The following JADE2 variants were observed in gnomAD, a reference collection of about 807,000 sequenced individuals.
JADE2 encodes jade family PHD finger 2.
A neutral mutation model predicts 85.7 loss-of-function variants in JADE2; 13 were observed. The ratio of observed to expected loss-of-function variants is 0.15; its 90% CI spans 0.10 to 0.24. The LOEUF (loss-of-function observed/expected upper bound fraction) is 0.24. Among genes scored for constraint, JADE2 ranks in the 10% least tolerant of loss-of-function variants. JADE2 has a pLI of 1.00. For synonymous variants in JADE2, 440 were observed against 456.1 expected (o/e 0.96, Z 0.45); for missense variants, 846 against 1,115.9 (o/e 0.76, Z 3.45).
chr5:134,554,408 G>C (rs919017964), intron 4 of JADE2, among the ~76,000 whole-genome samples: 3 of 152,164 alleles, frequency 2.0e-5, no homozygotes, highest in Non-Finnish European at 4.4e-5. Context: ...GGCACAGCGA[G>C]GTCAGTCTTG....
At chr5:134,572,624 A>C (rs893308763) in intron 9 of JADE2, among the ~76,000 whole-genome samples, 1 of 152,226 alleles carries the variant, frequency 6.6e-6, no homozygotes, top group African/African-American at 2.4e-5. Flanking sequence ...GCTTTGGCCA[A>C]CTGTCCCTGA....
rs1401134443 is a variant in JADE2, at chr5:134,562,257, C to T, written c.742C>T (p.Leu248=). 2 of 1,613,964 alleles carry T rather than the reference C, an allele frequency of 1.2e-6. No homozygotes were observed. Among genetic ancestry groups the T allele is most frequent in the Admixed American group, 1.7e-5 (1 of 60,002 alleles). ...TGSWLCRTCA[L]GVQPKCLLCP... is the part of the protein sequence containing the mutation. Reference sequence around the variant, plus strand: ...CAGCTGGCTGTGCCGGACGTGTGCCCTGGGTGTCCAGCCAAAGTGCCTGCT... The same window carrying T: ...CAGCTGGCTGTGCCGGACGTGTGCCTTGGGTGTCCAGCCAAAGTGCCTGCT... Residue 248 remains leucine, a synonymous_variant, in exon 7 of 12, where the codon CTG becomes TTG. Transcript: ENST00000681547. The surrounding 1 kb of genome is among the most constrained non-coding windows in gnomAD (Gnocchi z 4.6).
At chr5:134,526,594 G>T (rs1277124453) in intron 1 of JADE2, 1 of 985,288 alleles carries the variant, frequency 1.0e-6, no homozygotes, top group African/African-American at 1.7e-5. Flanking sequence ...CAGCCGGTCC[G>T]GTCCCAGACA....
chr5:134,564,808 G>A (rs329312), intron 8 of JADE2, among the ~76,000 whole-genome samples, 198 bp downstream of exon 8: 111,075 of 152,052 alleles, frequency 0.73, 41,100 homozygotes, highest in Non-Finnish European at 0.76. Flanking sequence ...TCTAGGGAGT[G>A]GGAACAGACC....
At chr5:134,525,046 C>A (rs185886104), upstream of JADE2, among the ~76,000 whole-genome samples, 5 of 152,040 alleles carry the variant, frequency 3.3e-5, no homozygotes, top group African/African-American at 1.2e-4. Context: ...GTTCCCTCCG[C>A]GAGTGTCGCC....
chr5:134,561,065 A>G, intron 6 of JADE2, 108 bp downstream of exon 6: 2 of 865,456 alleles, frequency 2.3e-6, no homozygotes, highest in Middle Eastern at 3.1e-4. Flanking sequence ...GCCCTTAAGA[A>G]GGAGGAGGAA....
At chr5:134,577,843 C>T (rs1337011881) in intron 11 of JADE2, among the ~76,000 whole-genome samples, 1 of 152,194 alleles carries the variant, frequency 6.6e-6, no homozygotes, top group East Asian at 1.9e-4. Context: ...CACTTGCCTC[C>T]CCTCTCCCTG....
intron 10 of JADE2, chr5:134,574,084 T>C (rs908224812): frequency 2.6e-6 from 1 of 383,818 alleles, no homozygotes; most frequent in Admixed American, 4.0e-5. Context: ...GAAGTCCTAG[T>C]GGCTCTCTGC....
intron 10 of JADE2, 101 bp downstream of exon 10, chr5:134,573,863 G>A (rs1178104974): frequency 1.2e-6 from 1 of 827,722 alleles, no homozygotes; most frequent in East Asian, 2.4e-5. Flanking sequence ...GGGGGTATGT[G>A]CGTGGAGCCA....
chr5:134,566,669 C>T lies in JADE2; in HGVS notation c.1434+89C>T. ...ACTCACTGCCCTGGAGCAGCTAGGA[C>T]TCACCAGGACTCAAACTGTGAGCTC... On this transcript the variant is annotated intron_variant, in intron 9 of 11. Coordinates refer to ENST00000681547, the MANE Select transcript of JADE2 (RefSeq NM_001388185.1). This position sits in a 1 kb window ranked among gnomAD's most constrained non-coding sequence, Gnocchi z 6.7. The T allele has an allele frequency of 1.0e-6, 1 of 966,922 alleles. No individual in the cohort carries two copies. Among genetic ancestry groups the T allele is most frequent in the Admixed American group, 2.7e-5 (1 of 36,486 alleles). The allele number at this position is 966,922 out of a possible 1,614,324, so 59.9% of individuals were successfully genotyped here. A position where few individuals can be genotyped will look rare whatever the true frequency, so the allele number is the denominator to read the frequency against.
At chr5:134,569,963 C>T (rs982205100) in intron 9 of JADE2, among the ~76,000 whole-genome samples, 1 of 152,214 alleles carries the variant, frequency 6.6e-6, no homozygotes, top group Non-Finnish European at 1.5e-5. Context: ...TTGCCACATC[C>T]TGCTCCGTGC....
chr5:134,571,840 C>A (rs528059517), intron 9 of JADE2, among the ~76,000 whole-genome samples: 2 of 152,370 alleles, frequency 1.3e-5, no homozygotes, highest in Admixed American at 6.5e-5. Flanking sequence ...CTGCCTCCCC[C>A]AGCCTGGCCT....
At chr5:134,546,000 T>G (rs1762275773) in intron 3 of JADE2, among the ~76,000 whole-genome samples, 1 of 152,144 alleles carries the variant, frequency 6.6e-6, no homozygotes, top group African/African-American at 2.4e-5. Flanking sequence ...AAGACCAGTT[T>G]CTCAGTTTCA....
intron 7 of JADE2, among the ~76,000 whole-genome samples, chr5:134,563,648 T>C (rs777947363): frequency 2.6e-5 from 4 of 152,254 alleles, no homozygotes; most frequent in Non-Finnish European, 5.9e-5. Context: ...GGCACTCTCC[T>C]TCCTGGGCTC....
rs1764675857 is a variant in JADE2 at position 134,580,791 on chromosome 5, G to A, written c.*1474G>A. ...CTTTAGCAACAAAGTATAGAAACAT[G>A]TTCATTGCACACACCCAAGGAGAAG... On this transcript the variant is annotated 3_prime_UTR_variant, in exon 12 of 12. Coordinates refer to ENST00000681547, the MANE Select transcript of JADE2 (RefSeq NM_001388185.1). The A allele has an allele frequency of 6.6e-6, 1 of 152,492 alleles. No individual in the cohort carries two copies. Among genetic ancestry groups the A allele is most frequent in the African/African-American group, 2.4e-5 (1 of 41,392 alleles). The allele number at this position is 152,492 out of a possible 1,614,324, so 9.4% of individuals were successfully genotyped here.
rs1764698119 is a variant in JADE2 at position 134,581,252 on chromosome 5, A to G, written c.*1935A>G. The G allele has an allele frequency of 2.0e-5, 3 of 152,640 alleles. No homozygotes were observed. In the South Asian group the frequency reaches 6.2e-4, roughly 32 times the overall value. 9.5% of individuals were successfully genotyped at this position (152,640 alleles called of 1,614,324 possible). On this transcript the variant is annotated 3_prime_UTR_variant, in exon 12 of 12. Coordinates refer to ENST00000681547, the MANE Select transcript of JADE2 (RefSeq NM_001388185.1). The stretch of plus-strand genomic sequence containing the variant: ...TGGCATGAGCTACCCTGTAGAGTTT[A>G]GTCTGCCTGCCCGCCTTGGTAGTAG...
intron 4 of JADE2, among the ~76,000 whole-genome samples, chr5:134,556,010 C>G (rs906209697): frequency 2.0e-5 from 3 of 152,228 alleles, no homozygotes; most frequent in Admixed American, 6.5e-5. Context: ...GCCCCTGCCT[C>G]CCCGTCTCCT....
chr5:134,566,692 C>A lies in JADE2; in HGVS notation c.1434+112C>A. 1 of 821,444 alleles carries A rather than the reference C, an allele frequency of 1.2e-6. No individual in the cohort carries two copies. Among genetic ancestry groups the A allele is most frequent in the Non-Finnish European group, 1.9e-6 (1 of 536,624 alleles). 50.9% of individuals were successfully genotyped at this position (821,444 alleles called of 1,614,324 possible). On this transcript the variant is annotated intron_variant, in intron 9 of 11. Transcript: ENST00000681547. This position sits in a 1 kb window ranked among gnomAD's most constrained non-coding sequence, Gnocchi z 6.7. ...GACTCACCAGGACTCAAACTGTGAG[C>A]TCTGGTGGACCGGCCCTGCTGCAGG...
chr5:134,551,554 T>C (rs1762593825), intron 3 of JADE2, among the ~76,000 whole-genome samples: 1 of 151,414 alleles, frequency 6.6e-6, no homozygotes, highest in Admixed American at 6.6e-5. Flanking sequence ...AATTTTTTAA[T>C]TTTTAGTAGA....
Sources: gnomAD v4.1 joint callset for allele counts (sites outside exome capture counted in the v4.1 genomes callset) on GRCh38, gnomAD v4.1.1 for gene constraint, Gnocchi (gnomAD v3.1) non-coding constraint, MANE v1.5 for transcripts, NCBI Gene and HGNC (gene_info 2026-07-23, HGNC 2026-07-21) for gene names.